The following ANO6 variants were observed in gnomAD, a reference collection of about 807,000 sequenced individuals.
The protein encoded by ANO6 is anoctamin-6.
ANO6 carries 106 observed loss-of-function variants against 117.5 expected under a neutral mutation model. The ratio of observed to expected loss-of-function variants is 0.90; its 90% CI spans 0.77 to 1.06. The LOEUF (loss-of-function observed/expected upper bound fraction) is 1.06. Ranked by LOEUF, ANO6 falls within the 50% of genes least tolerant of loss-of-function variation. The probability of loss-of-function intolerance (pLI) is 0.00; values close to 1 mark genes in which losing one functional copy is unlikely to be tolerated. For missense variants in ANO6, 955 were observed against 1,121.1 expected (o/e 0.85, Z 2.12); for synonymous variants, 367 against 385.1 (o/e 0.95, Z 0.55).
Position 45,298,469 on chromosome 12 carries a change from C to T in ANO6, c.71-3545C>T, listed in dbSNP as rs775962572. Among the ~76,000 whole-genome samples, 46 of 152,072 alleles carry T rather than the reference C, an allele frequency of 3.0e-4. 1 individual carries two copies. Among genetic ancestry groups the T allele is most frequent in the Admixed American group, 1.4e-3 (21 of 15,274 alleles). On this transcript the variant is annotated intron_variant, in intron 1 of 19. Transcript: ENST00000320560. ...AACTTTTTCAGTTGTGTTAGATTAC[C>T]ATAAATGAGAATATCAAACAGTAAC... is the stretch of plus-strand genomic sequence containing the variant.
chr12:45,423,185 G>A, intron 19 of ANO6, 123 bp downstream of exon 19: 1 of 780,104 alleles, frequency 1.3e-6, no homozygotes, highest in Non-Finnish European at 2.3e-6. Context: ...TAATATTTTA[G>A]GAAATATGTT....
chr12:45,435,213 C>A (rs1025826815), downstream of ANO6, among the ~76,000 whole-genome samples: 5 of 152,204 alleles, frequency 3.3e-5, no homozygotes, highest in East Asian at 1.9e-4. Context: ...GTTTGTCAGC[C>A]TGGATAATTC....
chr12:45,335,643 AAT>A (rs1388960947), intron 3 of ANO6: 1 of 152,052 alleles, frequency 6.6e-6, no homozygotes, highest in African/African-American at 2.4e-5. Context: ...GTATAATGTA[AAT>A]ATTCCAATTT....
At chr12:45,258,191 A>C (rs1937901825) in intron 1 of ANO6, among the ~76,000 whole-genome samples, 1 of 152,240 alleles carries the variant, frequency 6.6e-6, no homozygotes, top group South Asian at 2.1e-4. Flanking sequence ...ATTGTGAATT[A>C]CTAAGAATTA....
At chr12:45,305,822 C>A (rs1939650379) in intron 2 of ANO6, among the ~76,000 whole-genome samples, 1 of 151,966 alleles carries the variant, frequency 6.6e-6, no homozygotes, top group Admixed American at 6.6e-5. Flanking sequence ...TGCCCAATCC[C>A]AGGTCTGGTT....
At chr12:45,317,420 C>G (rs944471437) in intron 2 of ANO6, among the ~76,000 whole-genome samples, 2 of 151,356 alleles carry the variant, frequency 1.3e-5, no homozygotes, top group Non-Finnish European at 2.9e-5. Flanking sequence ...TGGTTTCCAG[C>G]TTCAACCATG....
chr12:45,286,721 A>T (rs1351643025), intron 1 of ANO6, among the ~76,000 whole-genome samples: 1 of 152,248 alleles, frequency 6.6e-6, no homozygotes, highest in Non-Finnish European at 1.5e-5. Context: ...CATTTGCAAT[A>T]CAAGTAGCTA....
chr12:45,418,061 G>A lies in ANO6; in HGVS notation c.2217+1157G>A, dbSNP rs118122856. Among the ~76,000 whole-genome samples, 728 of 152,252 alleles carry A rather than the reference G, an allele frequency of 4.8e-3. 3 individuals are homozygous for A. The highest frequency in any genetic ancestry group is 0.018 in the East Asian group (91 of 5,184). On this transcript the variant is annotated intron_variant, in intron 17 of 19. Coordinates refer to ENST00000320560, the MANE Select transcript of ANO6 (RefSeq NM_001025356.3). ...TCATTGAGTTAATGCATGAAGCCTC[G>A]TTTCTATTGAATGTTAGCTGCTGTT...
chr12:45,411,697 G>C (rs879396231), intron 16 of ANO6, among the ~76,000 whole-genome samples: 1 of 152,110 alleles, frequency 6.6e-6, no homozygotes, highest in South Asian at 2.1e-4. Flanking sequence ...GGCTTGCTTG[G>C]CCTTGCACCC....
intron 1 of ANO6, among the ~76,000 whole-genome samples, chr12:45,243,546 ATTTTTT>A (rs766546560): frequency 6.8e-6 from 1 of 146,848 alleles, no homozygotes; most frequent in African/African-American, 2.5e-5. Context: ...TTTGTGAATA[ATTTTTT>A]TTTTTTAATT....
chr12:45,339,727 A>T (rs1327217869), intron 3 of ANO6, among the ~76,000 whole-genome samples: 1 of 152,128 alleles, frequency 6.6e-6, no homozygotes, highest in Non-Finnish European at 1.5e-5. Flanking sequence ...AACCTTCGGG[A>T]GAACTAATAA....
chr12:45,220,017 C>T lies in ANO6; in HGVS notation c.70+3626C>T, dbSNP rs1947372538. On this transcript the variant is annotated intron_variant, in intron 1 of 19. Transcript: ENST00000320560. ...TGTCCTTGGCTGCTTTTCGCCCCCT[C>T]ATCAGCGGATTAAATTCAGCATCTC... is the stretch of plus-strand genomic sequence containing the variant. Among the ~76,000 whole-genome samples, 6 of 152,330 alleles carry T rather than the reference C, an allele frequency of 3.9e-5. No individual in the cohort carries two copies. The South Asian group carries it at 1.2e-3, about 32-fold the overall frequency.
chr12:45,295,746 A>T (rs1939271079), intron 1 of ANO6, among the ~76,000 whole-genome samples: 1 of 152,056 alleles, frequency 6.6e-6, no homozygotes, highest in African/African-American at 2.4e-5. Context: ...TTTTTAGTAG[A>T]GACGGGGTTT....
At position 45,432,045 on chromosome 12, in the gene ANO6, GT is replaced by G. The variant is rs906473906; in HGVS notation, c.*2735del. ...CAAAGTCTTCCCTTTTTTATTGCAT[GT>G]GTGCCTTGAATTTCATAAAACATTA... On this transcript the variant is annotated 3_prime_UTR_variant, in exon 20 of 20. Transcript: ENST00000320560. The G allele has an allele frequency of 1.0e-6, 1 of 985,320 alleles. No individual in the cohort carries two copies. The highest frequency in any genetic ancestry group is 6.1e-5 in the Admixed American group (1 of 16,286). The allele number at this position is 985,320 out of a possible 1,614,324, so 61.0% of individuals were successfully genotyped here. A position where few individuals can be genotyped will look rare whatever the true frequency, so the allele number is the denominator to read the frequency against.
intron 1 of ANO6, among the ~76,000 whole-genome samples, chr12:45,221,062 G>A (rs184715609): frequency 6.7e-6 from 1 of 148,502 alleles, no homozygotes; most frequent in Non-Finnish European, 1.5e-5. Context: ...TCGGAAGTGG[G>A]GGGGGGCAGC....
intron 3 of ANO6, among the ~76,000 whole-genome samples, chr12:45,340,927 C>A (rs10785572): frequency 0.43 from 65,272 of 151,940 alleles, 14,265 homozygotes; most frequent in South Asian, 0.58. Context: ...AGCTACCTGA[C>A]AAACCAAGAA....
Position 45,429,720 on chromosome 12 carries a change from G to C in ANO6, c.*409G>C. 1.9e-6 allele frequency: 2 copies of C among 1,064,708 alleles called. No homozygotes were observed. 66.0% of individuals were successfully genotyped at this position (1,064,708 alleles called of 1,614,324 possible). A position where few individuals can be genotyped will look rare whatever the true frequency, so the allele number is the denominator to read the frequency against. On this transcript the variant is annotated 3_prime_UTR_variant, in exon 20 of 20. Coordinates refer to ENST00000320560, the MANE Select transcript of ANO6 (RefSeq NM_001025356.3). ...TTCATTTCTTCACTTGGCTAGATCT[G>C]TTCCAGGGTCATCTTTTCCTTACAG...
intron 1 of ANO6, among the ~76,000 whole-genome samples, chr12:45,239,210 A>G (rs538538988): frequency 6.6e-6 from 1 of 152,150 alleles, no homozygotes; most frequent in Non-Finnish European, 1.5e-5. Context: ...TATTGCCTCA[A>G]TTTCAGAGCC....
At chr12:45,240,433 C>T (rs1056847103) in intron 1 of ANO6, among the ~76,000 whole-genome samples, 2 of 120,446 alleles carry the variant, frequency 1.7e-5, no homozygotes, top group African/African-American at 6.1e-5. Context: ...TTATTTTGAG[C>T]CTGTGTGTGT....
Sources: allele counts gnomAD v4.1 joint callset (sites outside exome capture counted in the v4.1 genomes callset), GRCh38; gene constraint gnomAD v4.1.1; transcripts MANE v1.5; gene names NCBI Gene and HGNC (gene_info 2026-07-23, HGNC 2026-07-21).